Variants in CEP63 observed in about 807,000 individuals in gnomAD.
CEP63 encodes centrosomal protein of 63 kDa.
A neutral mutation model predicts 89.1 loss-of-function variants in CEP63; 84 were observed. The ratio of observed to expected loss-of-function variants is 0.94; its 90% CI spans 0.79 to 1.13. CEP63 has a LOEUF of 1.13. CEP63 is among the 50% of genes most tolerant of loss of function. The pLI is 0.00. For synonymous variants in CEP63, 267 were observed against 272.5 expected (o/e 0.98, Z 0.20); for missense variants, 838 against 813.3 (o/e 1.03, Z -0.37).
intron 11 of CEP63, among the ~76,000 whole-genome samples, chr3:134,570,494 C>G (rs1201921378): frequency 2.6e-5 from 4 of 152,206 alleles, no homozygotes; most frequent in Non-Finnish European, 4.4e-5. Flanking sequence ...GCAAGAGCCA[C>G]CTTTGCTCCA....
chr3:134,720,897 A>T, the CEP63 span, among the ~76,000 whole-genome samples: 1 of 152,134 alleles, frequency 6.6e-6, no homozygotes, highest in South Asian at 2.1e-4. Context: ...TAACTACTGA[A>T]ATCAGGAAGT....
chr3:134,565,375 A>G (rs190159571), downstream of CEP63, among the ~76,000 whole-genome samples: 218 of 152,302 alleles, frequency 1.4e-3, no homozygotes, highest in African/African-American at 5.1e-3. Context: ...TCTCTCTTAC[A>G]TACACATAAC....
At chr3:134,681,184 G>A in the CEP63 span, among the ~76,000 whole-genome samples, 1 of 152,204 alleles carries the variant, frequency 6.6e-6, no homozygotes, top group Admixed American at 6.5e-5. Context: ...AGAGCTGGGG[G>A]TCGGGGGGTG....
chr3:134,716,746 C>T, the CEP63 span, among the ~76,000 whole-genome samples: 2 of 152,226 alleles, frequency 1.3e-5, no homozygotes, highest in Admixed American at 1.3e-4. Flanking sequence ...CCAATCCAGC[C>T]TCCTCTGCTT....
chr3:134,524,874 A>G (rs1247878749), intron 3 of CEP63, among the ~76,000 whole-genome samples: 1 of 152,124 alleles, frequency 6.6e-6, no homozygotes, highest in Non-Finnish European at 1.5e-5. Flanking sequence ...AGGTTTTGGT[A>G]TCAGGTTGAT....
At chr3:134,499,488 G>GT (rs1419957407) in intron 2 of CEP63, among the ~76,000 whole-genome samples, 9 of 151,666 alleles carry the variant, frequency 5.9e-5, no homozygotes, top group African/African-American at 1.2e-4. Context: ...TCTTTGTATT[G>GT]TTTTTTAGTC....
At chr3:134,547,614 CTTTTTTT>C in intron 9 of CEP63, 142 bp downstream of exon 9, 1 of 268,918 alleles carries the variant, frequency 3.7e-6, no homozygotes, top group Non-Finnish European at 6.5e-6. Context: ...GTTCTTATTT[CTTTTTTT>C]TTTTTTTTGA....
intron 3 of CEP63, among the ~76,000 whole-genome samples, chr3:134,510,188 G>A (rs938688859): frequency 2.0e-5 from 3 of 152,176 alleles, no homozygotes; most frequent in African/African-American, 7.2e-5. Context: ...TTTTCTTAGT[G>A]CTCAGCTGAA....
At chr3:134,656,363 G>T in the CEP63 span, among the ~76,000 whole-genome samples, 3 of 152,196 alleles carry the variant, frequency 2.0e-5, no homozygotes, top group Admixed American at 6.5e-5. Flanking sequence ...TCTGGTTGGT[G>T]CTATGGTGCA....
chr3:134,542,705 C>A (rs558767495), intron 6 of CEP63, among the ~76,000 whole-genome samples: 105 of 152,248 alleles, frequency 6.9e-4, no homozygotes, highest in African/African-American at 2.4e-3. Context: ...TGAATTCAAC[C>A]CCCACTCCCC....
downstream of CEP63, among the ~76,000 whole-genome samples, chr3:134,566,320 ATGT>A (rs962048356): frequency 5.3e-5 from 8 of 152,124 alleles, no homozygotes; most frequent in Non-Finnish European, 7.4e-5. Context: ...ACATTTATTA[ATGT>A]TAATAATAGT....
At chr3:134,524,028 A>G (rs1480398991) in intron 3 of CEP63, among the ~76,000 whole-genome samples, 1 of 152,164 alleles carries the variant, frequency 6.6e-6, no homozygotes, top group Non-Finnish European at 1.5e-5. Context: ...TGAGCATGGA[A>G]TGTTTTTCCA....
intron 6 of CEP63, among the ~76,000 whole-genome samples, chr3:134,544,638 G>GGC (rs888070873): frequency 1.3e-5 from 2 of 149,764 alleles, no homozygotes; most frequent in Non-Finnish European, 3.0e-5. Flanking sequence ...GCTCTAGGTG[G>GGC]GGGGGGGAAT....
At chr3:134,502,034 G>C (rs559228723) in intron 2 of CEP63, among the ~76,000 whole-genome samples, 1 of 152,168 alleles carries the variant, frequency 6.6e-6, no homozygotes, top group East Asian at 1.9e-4. Flanking sequence ...GGCTTTTAAC[G>C]TGAAGGGATA....
the CEP63 span, among the ~76,000 whole-genome samples, chr3:134,715,992 AC>A: frequency 6.6e-6 from 1 of 150,654 alleles, no homozygotes; most frequent in Non-Finnish European, 1.5e-5. Flanking sequence ...TTTTTTTATC[AC>A]TATTAATCCC....
chr3:134,561,026 A>G (rs1957252761), intron 14 of CEP63, among the ~76,000 whole-genome samples: 1 of 152,238 alleles, frequency 6.6e-6, no homozygotes, highest in Admixed American at 6.5e-5. Context: ...TTTGTGCTTT[A>G]AAATAAAAGT....
intron 12 of CEP63, among the ~76,000 whole-genome samples, chr3:134,557,376 GTTTTTTTTTTTT>G (rs199930556): frequency 2.5e-4 from 25 of 101,500 alleles, no homozygotes; most frequent in African/African-American, 3.9e-4. Context: ...TTCATAATTT[GTTTTTTTTTTTT>G]TTTTTTTTTT....
At chr3:134,588,709 CAT>C (rs1418229849), downstream of CEP63, among the ~76,000 whole-genome samples, 1 of 151,908 alleles carries the variant, frequency 6.6e-6, no homozygotes, top group African/African-American at 2.4e-5. Flanking sequence ...GGAAGGAAGA[CAT>C]AAGGAGTAGC....
At chr3:134,574,850 C>T (rs775369935) in exon 12 of CEP63, 13 of 619,270 alleles carry the variant, frequency 2.1e-5, no homozygotes, top group East Asian at 6.0e-5. Flanking sequence ...TCAAGCAATC[C>T]GCCAGCCTCA....
Sources: gnomAD v4.1 joint callset for allele counts (sites outside exome capture counted in the v4.1 genomes callset) on GRCh38, gnomAD v4.1.1 for gene constraint, MANE v1.5 for transcripts, NCBI Gene and HGNC (gene_info 2026-07-23, HGNC 2026-07-21) for gene names.